CLSTN2: variants seen among roughly 807,000 people sequenced by gnomAD.
CLSTN2 encodes the protein calsyntenin-2.
CLSTN2 carries 48 observed loss-of-function variants against 101.2 expected under a neutral mutation model. The ratio of observed to expected loss-of-function variants is 0.47; its 90% confidence interval spans 0.38 to 0.60. The LOEUF is 0.60. Ranked by LOEUF, CLSTN2 falls within the 20% of genes least tolerant of loss-of-function variation. The probability of loss-of-function intolerance (pLI) is 0.00; values close to 1 mark genes in which losing one functional copy is unlikely to be tolerated. For missense variants in CLSTN2, 1,160 were observed against 1,238.2 expected (o/e 0.94, Z 0.95); for synonymous variants, 481 against 463.6 (o/e 1.04, Z -0.48).
chr3:139,984,523 T>C (rs1935989672), intron 1 of CLSTN2, among the ~76,000 whole-genome samples: 1 of 152,162 alleles, frequency 6.6e-6, no homozygotes, highest in Non-Finnish European at 1.5e-5. Context: ...TTAACATTGT[T>C]GACCACCTCT....
At chr3:140,307,417 T>C (rs1205342601) in intron 2 of CLSTN2, among the ~76,000 whole-genome samples, 1 of 152,196 alleles carries the variant, frequency 6.6e-6, no homozygotes, top group Non-Finnish European at 1.5e-5. Context: ...AGCAGGGCAT[T>C]GACTATGCTG....
At chr3:140,345,014 A>G (rs1452364934) in intron 2 of CLSTN2, among the ~76,000 whole-genome samples, 4 of 152,214 alleles carry the variant, frequency 2.6e-5, no homozygotes, top group African/African-American at 9.6e-5. Flanking sequence ...ATCTGAGTGT[A>G]TCCAAAAAAT....
intron 1 of CLSTN2, among the ~76,000 whole-genome samples, chr3:140,116,608 A>G (rs971931921): frequency 6.6e-6 from 1 of 152,126 alleles, no homozygotes; most frequent in Non-Finnish European, 1.5e-5. Flanking sequence ...CCATTCTGAG[A>G]GTGAGAGCCT....
intron 2 of CLSTN2, among the ~76,000 whole-genome samples, chr3:140,359,819 G>A (rs1210560809): frequency 6.6e-6 from 1 of 151,980 alleles, no homozygotes; most frequent in Admixed American, 6.6e-5. Context: ...TCACTTGACA[G>A]CAACCTAAGT....
At chr3:139,970,904 G>T (rs1356522681) in intron 1 of CLSTN2, among the ~76,000 whole-genome samples, 1 of 152,204 alleles carries the variant, frequency 6.6e-6, no homozygotes, top group Admixed American at 6.5e-5. Flanking sequence ...CTGTGAACCT[G>T]CCCTTTGCCC....
chr3:140,136,222 C>T (rs1415689473), intron 1 of CLSTN2, among the ~76,000 whole-genome samples: 1 of 152,148 alleles, frequency 6.6e-6, no homozygotes, highest in Non-Finnish European at 1.5e-5. Context: ...AGGCAAATCT[C>T]CCCCTTAATT....
At chr3:140,426,167 C>G (rs186592074) in intron 5 of CLSTN2, among the ~76,000 whole-genome samples, 64 of 152,258 alleles carry the variant, frequency 4.2e-4, no homozygotes, top group Admixed American at 3.5e-3. Context: ...GCAGGACATG[C>G]AGGTTTGTTA....
At chr3:140,395,772 G>C (rs189924075) in intron 2 of CLSTN2, among the ~76,000 whole-genome samples, 1 of 152,284 alleles carries the variant, frequency 6.6e-6, no homozygotes, top group East Asian at 1.9e-4. Context: ...AAAGTGACTA[G>C]AGATGATCCC....
At chr3:139,941,325 A>G (rs1350703469) in intron 1 of CLSTN2, among the ~76,000 whole-genome samples, 2 of 152,060 alleles carry the variant, frequency 1.3e-5, no homozygotes, top group African/African-American at 2.4e-5. Context: ...CAGAGGGAGT[A>G]TTGGTCAGAG....
chr3:140,427,193 A>ATATGTG (rs1408997079), intron 5 of CLSTN2, among the ~76,000 whole-genome samples: 1 of 83,746 alleles, frequency 1.2e-5, no homozygotes, highest in African/African-American at 7.1e-5. Flanking sequence ...AAATATATAT[A>ATATGTG]TATATATATA....
intron 1 of CLSTN2, among the ~76,000 whole-genome samples, chr3:139,983,167 G>C (rs1935962252): frequency 6.6e-6 from 1 of 151,884 alleles, no homozygotes; most frequent in South Asian, 2.1e-4. Context: ...TTTGGGGCTA[G>C]TTTTGGCATG....
intron 1 of CLSTN2, among the ~76,000 whole-genome samples, chr3:140,115,416 G>A (rs1420485340): frequency 6.6e-6 from 1 of 152,164 alleles, no homozygotes. Flanking sequence ...GTGGGTAGGT[G>A]GGGGCCACAT....
At position 140,309,950 on chromosome 3, in the gene CLSTN2, C is replaced by T. The variant is rs1348317934; in HGVS notation, c.233-93679C>T. Among the ~76,000 whole-genome samples, 4 of 152,122 alleles carry T rather than the reference C, an allele frequency of 2.6e-5. No homozygotes were observed. In the East Asian group the frequency reaches 5.8e-4, roughly 22 times the overall value. On this transcript the variant is annotated intron_variant, in intron 2 of 16. Coordinates refer to ENST00000458420, the MANE Select transcript of CLSTN2 (RefSeq NM_022131.3). ...TTTTGTCAGGACTGACATTTCTCAC[C>T]GTGGCGGCTTGTTCCCCAGTCATCC...
chr3:140,193,606 G>A (rs2010603580), intron 2 of CLSTN2, among the ~76,000 whole-genome samples: 1 of 151,888 alleles, frequency 6.6e-6, no homozygotes, highest in African/African-American at 2.4e-5. Flanking sequence ...TAATTGTGAT[G>A]TCTTTTCATG....
intron 1 of CLSTN2, among the ~76,000 whole-genome samples, chr3:139,952,373 A>G (rs1935309218): frequency 6.6e-6 from 1 of 152,208 alleles, no homozygotes; most frequent in Non-Finnish European, 1.5e-5. Context: ...TAAAAAGAAG[A>G]GCTTGGGAGA....
chr3:140,277,933 A>G (rs2086810161), intron 2 of CLSTN2, among the ~76,000 whole-genome samples: 1 of 152,244 alleles, frequency 6.6e-6, no homozygotes, highest in Non-Finnish European at 1.5e-5. Flanking sequence ...CAGTGCTTTC[A>G]GAAGAAGGAT....
intron 1 of CLSTN2, among the ~76,000 whole-genome samples, chr3:139,941,935 A>G (rs993313012): frequency 2.0e-5 from 3 of 152,194 alleles, no homozygotes; most frequent in African/African-American, 4.8e-5. Flanking sequence ...TAAATCTACA[A>G]TCTTATTTTT....
chr3:140,093,754 C>T (rs563248774), intron 1 of CLSTN2, among the ~76,000 whole-genome samples: 2 of 152,232 alleles, frequency 1.3e-5, no homozygotes, highest in South Asian at 4.2e-4. Context: ...GTGAACATGG[C>T]TATTTATAGG....
At chr3:140,015,958 G>A (rs182737733) in intron 1 of CLSTN2, among the ~76,000 whole-genome samples, 24 of 152,358 alleles carry the variant, frequency 1.6e-4, no homozygotes, top group African/African-American at 4.3e-4. Flanking sequence ...AGGCTAGGCC[G>A]TTCTGGGACA....
Sources: gnomAD v4.1 joint callset for allele counts (sites outside exome capture counted in the v4.1 genomes callset) on GRCh38, gnomAD v4.1.1 for gene constraint, MANE v1.5 for transcripts, NCBI Gene and HGNC (gene_info 2026-07-23, HGNC 2026-07-21) for gene names.